The following HMCN1 variants were observed in gnomAD, a reference collection of about 807,000 sequenced individuals.
The protein encoded by HMCN1 is hemicentin-1.
A neutral mutation model predicts 625.9 loss-of-function variants in HMCN1; 321 were observed. That is an observed-to-expected ratio of 0.51 (90% CI 0.47 to 0.56). The LOEUF is 0.56. Among genes scored for constraint, HMCN1 ranks in the 20% least tolerant of loss-of-function variants. The pLI is 0.00. For missense variants in HMCN1, 6,588 were observed against 6,887.3 expected (o/e 0.96, Z 1.54); for synonymous variants, 2,425 against 2,417.6 (o/e 1.00, Z -0.09).
chr1:185,836,944 T>C (rs1399347169), intron 1 of HMCN1, among the ~76,000 whole-genome samples: 2 of 152,026 alleles, frequency 1.3e-5, no homozygotes, highest in African/African-American at 2.4e-5. Flanking sequence ...TCCATGTTGC[T>C]GTAAAAACAT....
At position 186,172,209 on chromosome 1, in the gene HMCN1, T is replaced by C. The variant is rs1279939393; in HGVS notation, c.15814+78T>C. The C allele has an allele frequency of 6.4e-6, 10 of 1,563,850 alleles. No individual in the cohort carries two copies. In the African/African-American group the frequency reaches 1.1e-4, roughly 17 times the overall value. ...AGTAAGGCATTCATTTTAAAAGAAG[T>C]GATTAGAGTAAATTTAAGCTAACAA... On this transcript the variant is annotated intron_variant, in intron 102 of 106. Coordinates refer to ENST00000271588, the MANE Select transcript of HMCN1 (RefSeq NM_031935.3).
In HMCN1 at chr1:185,911,548, TG is replaced by T. The variant is rs760418058; in HGVS notation, c.794-124del. 50 of 798,778 alleles carry T rather than the reference TG, an allele frequency of 6.3e-5. 1 individual carries two copies. Among genetic ancestry groups the T allele is most frequent in the Non-Finnish European group, 7.2e-5 (32 of 445,334 alleles). 49.5% of individuals were successfully genotyped at this position (798,778 alleles called of 1,614,324 possible). A position where few individuals can be genotyped will look rare whatever the true frequency, so the allele number is the denominator to read the frequency against. ...CTTTGGGTTAGTTTGCAGCACACTT[TG>T]GTAAAAAATGAGCCAGTGTTATTTG... On this transcript the variant is annotated intron_variant, in intron 5 of 106. Transcript: ENST00000271588.
At chr1:185,795,558 G>T (rs1658314992) in intron 1 of HMCN1, among the ~76,000 whole-genome samples, 2 of 152,146 alleles carry the variant, frequency 1.3e-5, no homozygotes, top group Admixed American at 1.3e-4. Flanking sequence ...ACTTCTCATA[G>T]GAATGTCCTG....
chr1:185,995,197 T>C (rs1300961769), intron 24 of HMCN1, 110 bp downstream of exon 24: 4 of 1,019,780 alleles, frequency 3.9e-6, no homozygotes, highest in Non-Finnish European at 6.0e-6. Flanking sequence ...GAAAGAGTTC[T>C]ATATAACTTT....
intron 1 of HMCN1, among the ~76,000 whole-genome samples, chr1:185,793,940 A>C (rs1401762286): frequency 6.6e-6 from 1 of 152,198 alleles, no homozygotes; most frequent in Non-Finnish European, 1.5e-5. Context: ...GAACTATCAG[A>C]AAGTTGAGGC....
At chr1:185,818,758 C>T (rs1448638502) in intron 1 of HMCN1, among the ~76,000 whole-genome samples, 1 of 152,130 alleles carries the variant, frequency 6.6e-6, no homozygotes, top group Non-Finnish European at 1.5e-5. Context: ...CAGGCTACCA[C>T]CATTCTGTAC....
intron 69 of HMCN1, among the ~76,000 whole-genome samples, chr1:186,104,178 T>C (rs558893518): frequency 4.6e-5 from 7 of 152,322 alleles, no homozygotes; most frequent in African/African-American, 1.7e-4. Flanking sequence ...ATGTCTGGGA[T>C]GTCTTATTGT....
chr1:186,091,925 T>C (rs1659863016), intron 64 of HMCN1, among the ~76,000 whole-genome samples: 1 of 152,006 alleles, frequency 6.6e-6, no homozygotes, highest in Non-Finnish European at 1.5e-5. Flanking sequence ...ACATTTTAAG[T>C]TTTATTTCTC....
chr1:186,156,777 A>C (rs575377436), intron 97 of HMCN1, among the ~76,000 whole-genome samples: 2 of 152,216 alleles, frequency 1.3e-5, no homozygotes, highest in African/African-American at 4.8e-5. Flanking sequence ...GCACAGCTAT[A>C]TAATAATAAC....
intron 1 of HMCN1, among the ~76,000 whole-genome samples, chr1:185,789,043 C>T (rs1048622101): frequency 6.6e-6 from 1 of 152,010 alleles, no homozygotes; most frequent in Non-Finnish European, 1.5e-5. Context: ...TTAAAATTCC[C>T]AAAGACTTGT....
intron 1 of HMCN1, among the ~76,000 whole-genome samples, chr1:185,787,721 A>G (rs1335981105): frequency 1.3e-5 from 2 of 152,244 alleles, no homozygotes; most frequent in Non-Finnish European, 2.9e-5. Context: ...CAAATGCTGG[A>G]AATGAGAGAA....
chr1:186,145,296 G>T, intron 91 of HMCN1, 107 bp from the exon 92 acceptor site: 1 of 1,112,186 alleles, frequency 9.0e-7, no homozygotes, highest in Admixed American at 2.7e-5. Context: ...TTTTGTTTTA[G>T]GTGCTGAGAA....
chr1:185,903,653 T>C (rs1022919632), intron 4 of HMCN1, among the ~76,000 whole-genome samples: 7 of 151,570 alleles, frequency 4.6e-5, no homozygotes, highest in Non-Finnish European at 1.0e-4. Flanking sequence ...GGGAAGACCC[T>C]CTCAAAAGTC....
intron 1 of HMCN1, among the ~76,000 whole-genome samples, chr1:185,788,818 A>G (rs1326184491): frequency 6.6e-6 from 1 of 152,116 alleles, no homozygotes; most frequent in East Asian, 1.9e-4. Context: ...ATTCAGAAAG[A>G]AGAGTTTAAT....
chr1:185,921,650 TC>T (rs2102473763), intron 6 of HMCN1, among the ~76,000 whole-genome samples: 1 of 152,320 alleles, frequency 6.6e-6, no homozygotes, highest in Non-Finnish European at 1.5e-5. Flanking sequence ...TTCACTCCCA[TC>T]TCCTACTTCT....
intron 105 of HMCN1, among the ~76,000 whole-genome samples, chr1:186,183,187 CAA>C (rs1236708200): frequency 6.6e-6 from 1 of 152,094 alleles, no homozygotes; most frequent in Admixed American, 6.6e-5. Flanking sequence ...ATAAAAGCTC[CAA>C]AAGAGTGCTT....
Position 186,178,454 on chromosome 1 carries a change from C to T in HMCN1, c.15982C>T (p.His5328Tyr), listed in dbSNP as rs1366664618. The T allele has an allele frequency of 1.2e-6, 2 of 1,613,930 alleles. No individual in the cohort carries two copies. The highest frequency in any genetic ancestry group is 1.1e-5 in the South Asian group (1 of 91,080). The change falls in exon 104 of 107, where the codon CAT (histidine) becomes TAT (tyrosine). Residue 5328 changes from histidine (H) to tyrosine (Y), a missense_variant. Around this residue, in one of 3 missense-constraint regions of HMCN1, gnomAD observed 1,954 missense variants for 2,013.1 expected, o/e 0.97. Transcript: ENST00000271588. The part of the protein sequence containing the change: ...ECEQVPKPCA[H>Y]QCSNTPGSFK... ...TGAACAAGTGCCTAAACCTTGTGCA[C>T]ATCAGTGCTCCAACACCCCCGGCAG...
chr1:186,012,567 A>G (rs1367835529), intron 30 of HMCN1, among the ~76,000 whole-genome samples: 1 of 152,142 alleles, frequency 6.6e-6, no homozygotes, highest in Non-Finnish European at 1.5e-5. Flanking sequence ...CTCTTCAAGC[A>G]ATTATTCTCG....
intron 1 of HMCN1, among the ~76,000 whole-genome samples, chr1:185,817,130 G>A (rs1659892201): frequency 1.3e-5 from 2 of 152,156 alleles, no homozygotes; most frequent in South Asian, 2.1e-4. Context: ...AGAGATGAAC[G>A]AGAAACTCTT....
Sources: allele counts gnomAD v4.1 joint callset (sites outside exome capture counted in the v4.1 genomes callset), GRCh38; gene constraint gnomAD v4.1.1; regional missense constraint gnomAD v4.1.1; transcripts MANE v1.5; gene names NCBI Gene and HGNC (gene_info 2026-07-23, HGNC 2026-07-21).